Variants in CATSPER4 observed in about 807,000 individuals in gnomAD.
The protein encoded by CATSPER4 is cation channel sperm-associated protein 4.
Under a neutral mutation model 54.4 loss-of-function variants are expected in CATSPER4, and 46 were observed. The observed-to-expected ratio is 0.84, with a 90% confidence interval of 0.67 to 1.08. The LOEUF (loss-of-function observed/expected upper bound fraction) is 1.08. Among genes scored for constraint, CATSPER4 ranks in the 50% least tolerant of loss-of-function variants. The probability of loss-of-function intolerance (pLI) is 0.00; values close to 1 mark genes in which losing one functional copy is unlikely to be tolerated. For missense variants in CATSPER4, 574 were observed against 612.8 expected (o/e 0.94, Z 0.67); for synonymous variants, 230 against 231.9 (o/e 0.99, Z 0.08).
rs187838719 is a variant in CATSPER4 at position 26,199,850 on chromosome 1, G to A, written c.813-34G>A. 85 of 1,611,342 alleles carry A rather than the reference G, an allele frequency of 5.3e-5. No individual in the cohort carries two copies. The Admixed American group carries it at 1.4e-3, about 26-fold the overall frequency. ...AAGGAAACTCAGGCTTGAAGGGCCA[G>A]GGAAATGATGGGGCCCCTGCCTGCC... On this transcript the variant is annotated intron_variant, in intron 6 of 9. Coordinates refer to ENST00000456354, the MANE Select transcript of CATSPER4 (RefSeq NM_198137.2).
At chr1:26,195,886 A>C (rs999241131) in intron 3 of CATSPER4, among the ~76,000 whole-genome samples, 1 of 151,818 alleles carries the variant, frequency 6.6e-6, no homozygotes, top group Non-Finnish European at 1.5e-5. Context: ...ATGACCCAAT[A>C]CCTCCCATTA....
At position 26,191,483 on chromosome 1, in the gene CATSPER4, C is replaced by A. The variant is rs2088868802; in HGVS notation, c.357+53C>A. The stretch of plus-strand genomic sequence containing the variant: ...ACTAACCCTAATGGGGGGCCTGGGG[C>A]AAGAACTCTTCCGGCCTCAGGCTCC... On this transcript the variant is annotated intron_variant, in intron 2 of 9. Transcript: ENST00000456354. 1.9e-6 allele frequency: 3 copies of A among 1,599,006 alleles called. No individual in the cohort carries two copies. The Admixed American group carries it at 5.1e-5, about 27-fold the overall frequency.
intron 3 of CATSPER4, 82 bp downstream of exon 3, chr1:26,193,970 A>G (rs1215961844): frequency 1.2e-5 from 11 of 921,980 alleles, no homozygotes; most frequent in Non-Finnish European, 1.8e-5. Context: ...TGGCCCTACA[A>G]ACTGAGGGTG....
Position 26,191,250 on chromosome 1 carries a change from T to A in CATSPER4, c.214-37T>A, listed in dbSNP as rs762634415. ...ACCCCCAGGCAGAGGCTTCCTATGG[T>A]GACACCTGCCTGAAGGAAGGTCCTG... On this transcript the variant is annotated intron_variant, in intron 1 of 9. Coordinates refer to ENST00000456354, the MANE Select transcript of CATSPER4 (RefSeq NM_198137.2). 8.7e-6 allele frequency: 14 copies of A among 1,612,686 alleles called. No individual in the cohort carries two copies. The South Asian group carries it at 1.5e-4, about 18-fold the overall frequency.
chr1:26,198,302 G>T lies in CATSPER4; in HGVS notation c.695G>T (p.Gly232Val). ...CTCTGACAGGTTTTTTCCGTGTTTG[G>T]AGTAACACTCTTTGGTGCATTCGTG... ...LFFMLVFSVF[G>V]VTLFGAFVPK... Residue 232 changes from glycine (G) to valine (V), a missense_variant, in exon 6 of 10, where the codon GGA (glycine) becomes GTA (valine). By Grantham distance (109) the Gly-to-Val change is moderately radical. Coordinates refer to ENST00000456354, the MANE Select transcript of CATSPER4 (RefSeq NM_198137.2). 6.2e-7 allele frequency: 1 copy of T among 1,614,180 alleles called. No individual in the cohort carries two copies. The highest frequency in any genetic ancestry group is 8.5e-7 in the Non-Finnish European group (1 of 1,180,038).
At chr1:26,195,711 C>A (rs2124525182) in intron 3 of CATSPER4, among the ~76,000 whole-genome samples, 1 of 152,244 alleles carries the variant, frequency 6.6e-6, no homozygotes, top group Non-Finnish European at 1.5e-5. Context: ...ACCGTGTTAG[C>A]CAGGATGATC....
intron 1 of CATSPER4, 78 bp downstream of exon 1, chr1:26,190,918 C>T: frequency 1.5e-6 from 2 of 1,362,870 alleles, no homozygotes; most frequent in Non-Finnish European, 1.0e-6. Context: ...GTAACTCTGC[C>T]CCTCTACCCT....
rs145608675 is a variant in CATSPER4, at chr1:26,201,373, G to A, written c.1219G>A (p.Ala407Thr). 4.3e-6 allele frequency: 7 copies of A among 1,614,098 alleles called. No homozygotes were observed. Among genetic ancestry groups the A allele is most frequent in the Non-Finnish European group, 5.9e-6 (7 of 1,180,026 alleles). Residue 407 changes from alanine to threonine, a missense_variant, in exon 9 of 10, where the codon GCA becomes ACA. Physicochemically the swap from Ala to Thr is moderately conservative, Grantham distance 58 (BLOSUM62 0). Coordinates refer to ENST00000456354, the MANE Select transcript of CATSPER4 (RefSeq NM_198137.2). The stretch of plus-strand genomic sequence containing the variant: ...CCCCAGGATTGTGGAGGAGGTGCGC[G>A]CAATCCGCTTCAACCAGGAGCAGGA... ...ELNMIVEEVR[A>T]IRFNQEQESE...
chr1:26,201,725 C>T (rs2089011264), intron 9 of CATSPER4: 20 of 498,530 alleles, frequency 4.0e-5, no homozygotes, highest in South Asian at 3.9e-4. Context: ...AGTCTTACTC[C>T]ATCGCCCAGG....
chr1:26,195,884 A>G (rs376569527), intron 3 of CATSPER4, among the ~76,000 whole-genome samples: 24 of 152,132 alleles, frequency 1.6e-4, no homozygotes, highest in Admixed American at 1.2e-3. Context: ...TCATGACCCA[A>G]TACCTCCCAT....
chr1:26,202,446 C>A, intron 9 of CATSPER4, 43 bp from the exon 10 acceptor site: 2 of 1,572,772 alleles, frequency 1.3e-6, no homozygotes, highest in Non-Finnish European at 1.7e-6. Context: ...GCTGCCATAT[C>A]GGGGGGAGTG....
At position 26,197,811 on chromosome 1, in the gene CATSPER4, G is replaced by A. The variant is rs114588071; in HGVS notation, c.557+28G>A. On this transcript the variant is annotated intron_variant, in intron 4 of 9. Transcript: ENST00000456354. ...GAGCGGGGAGCTCTGGAGAAATGAGGGGGACCTATCTGGAACCCAGGAATG... is the reference window on the plus strand; with the variant it reads ...GAGCGGGGAGCTCTGGAGAAATGAGAGGGACCTATCTGGAACCCAGGAATG... The A allele has an allele frequency of 3.2e-4, 522 of 1,608,446 alleles. 1 individual carries two copies. The African/African-American group carries it at 6.4e-3, about 20-fold the overall frequency.
At chr1:26,191,541 T>C in intron 2 of CATSPER4, 111 bp downstream of exon 2, 2 of 1,263,844 alleles carry the variant, frequency 1.6e-6, no homozygotes, top group Non-Finnish European at 2.2e-6. Context: ...TTGGATGCTC[T>C]TCAAGGGTCT....
intron 2 of CATSPER4, among the ~76,000 whole-genome samples, chr1:26,192,577 G>A (rs1201821525): frequency 2.3e-5 from 3 of 129,466 alleles, no homozygotes; most frequent in East Asian, 4.3e-4. Context: ...GCGACAGAGC[G>A]AGACTCTATC....
At chr1:26,193,917 T>C in intron 3 of CATSPER4, 29 bp downstream of exon 3, 2 of 1,512,262 alleles carry the variant, frequency 1.3e-6, no homozygotes, top group South Asian at 1.1e-5. Flanking sequence ...TGCCCCTACT[T>C]CCCCCTGGGG....
chr1:26,195,813 C>G (rs2088931798), intron 3 of CATSPER4, among the ~76,000 whole-genome samples: 1 of 152,146 alleles, frequency 6.6e-6, no homozygotes, highest in African/African-American at 2.4e-5. Flanking sequence ...ATGCCAGGCT[C>G]TTTTTAATAA....
At chr1:26,195,543 T>C (rs11247869) in intron 3 of CATSPER4, among the ~76,000 whole-genome samples, 126,455 of 150,330 alleles carry the variant, frequency 0.84, 54,262 homozygotes, top group Non-Finnish European at 0.9. Context: ...CTCTGTCGCC[T>C]GGGCTGGAGT....
At position 26,191,341 on chromosome 1, in the gene CATSPER4, C is replaced by T. The variant is rs762569758; in HGVS notation, c.268C>T (p.Arg90Ter). Residue 90 changes from arginine to a stop codon, truncating the protein, a stop_gained, in exon 2 of 10, where the codon CGA (arginine) becomes TGA (stop). Coordinates refer to ENST00000456354, the MANE Select transcript of CATSPER4 (RefSeq NM_198137.2). LOFTEE classifies it high-confidence loss of function. ...TCACATGTACATCAAGCAGCTGCTC[C>T]GACACCCCGCCTTCCAACTGCTGCT... ...ITHMYIKQLLRHPAFQLLLAL... is the reference protein window; with the variant it reads ...ITHMYIKQLL 27 of 1,614,052 alleles carry T rather than the reference C, an allele frequency of 1.7e-5. No individual in the cohort carries two copies. Among genetic ancestry groups the T allele is most frequent in the East Asian group, 1.3e-4 (6 of 44,884 alleles).
Position 26,200,853 on chromosome 1 carries a change from G to C in CATSPER4, c.1011G>C (p.Glu337Asp), listed in dbSNP as rs758132488. ...AGACAGGCGCAGAGGAAGAGGAGGA[G>C]AATGACCAGCTGCCACTGGTGCATT... ...FSETGAEEEE[E>D]NDQLPLVHCV... The change falls in exon 8 of 10, where the codon GAG (glutamate) becomes GAC (aspartate). Residue 337 changes from glutamate to aspartate, a missense_variant. By Grantham distance (45) the Glu-to-Asp change is conservative. Transcript: ENST00000456354. The C allele has an allele frequency of 1.9e-6, 3 of 1,614,098 alleles. No individual in the cohort carries two copies. The highest frequency in any genetic ancestry group is 2.5e-6 in the Non-Finnish European group (3 of 1,179,936).
Sources: allele counts gnomAD v4.1 joint callset (sites outside exome capture counted in the v4.1 genomes callset), GRCh38; gene constraint gnomAD v4.1.1; transcripts MANE v1.5; gene names NCBI Gene and HGNC (gene_info 2026-07-23, HGNC 2026-07-21).